The following XKR6 variants were observed in gnomAD, a reference collection of about 807,000 sequenced individuals.
The protein encoded by XKR6 is XK-related protein 6.
Under a neutral mutation model 56.7 loss-of-function variants are expected in XKR6, and 22 were observed. That is an observed-to-expected ratio of 0.39 (90% CI 0.28 to 0.55). The LOEUF is 0.55. Ranked by LOEUF, XKR6 falls within the 20% of genes least tolerant of loss-of-function variation. The pLI, the probability that XKR6 is intolerant of heterozygous loss-of-function variation, is 0.66. For synonymous variants in XKR6, 524 were observed against 387.8 expected (o/e 1.35, Z -4.13); for missense variants, 852 against 889.0 (o/e 0.96, Z 0.53).
intron 1 of XKR6, among the ~76,000 whole-genome samples, chr8:11,021,156 CAG>C (rs1377232546): frequency 6.6e-6 from 1 of 152,206 alleles, no homozygotes. Flanking sequence ...GGGCTTCTCT[CAG>C]AGTCTCAGAC....
chr8:10,949,455 A>G (rs1801653015), intron 1 of XKR6, among the ~76,000 whole-genome samples: 1 of 152,212 alleles, frequency 6.6e-6, no homozygotes, highest in African/African-American at 2.4e-5. Flanking sequence ...CCACAGAGCC[A>G]GGGCTGGAGC....
intron 1 of XKR6, among the ~76,000 whole-genome samples, chr8:10,979,411 G>A (rs182195006): frequency 6.6e-6 from 1 of 152,142 alleles, no homozygotes; most frequent in Admixed American, 6.5e-5. Context: ...CACGTTCCTG[G>A]TTCCTGGGGG....
chr8:11,185,900 T>C (rs1803248402), intron 1 of XKR6, among the ~76,000 whole-genome samples: 1 of 152,252 alleles, frequency 6.6e-6, no homozygotes, highest in African/African-American at 2.4e-5. Context: ...ACAACTATTT[T>C]TAAAAGCTAA....
chr8:11,052,588 G>C (rs536849399), intron 1 of XKR6, among the ~76,000 whole-genome samples: 1 of 152,104 alleles, frequency 6.6e-6, no homozygotes, highest in East Asian at 1.9e-4. Flanking sequence ...GTTCCTGGAC[G>C]TGAGGCTTTG....
chr8:10,898,030 G>A lies in XKR6; in HGVS notation c.1848C>T (p.Val616=), dbSNP rs1248228789. The change falls in exon 3 of 3, where the codon GTC becomes GTT. Residue 616 remains valine (V), a synonymous_variant. Coordinates refer to ENST00000416569, the MANE Select transcript of XKR6 (RefSeq NM_173683.4). The surrounding 1 kb of genome is among the most constrained non-coding windows in gnomAD (Gnocchi z 6.6). ...LRRTINILQY[V]TPTAVGIRYR... Reference sequence around the variant, plus strand: ...ATCGAATGCCTACTGCGGTGGGGGTGACATATTGTAGAATGTTAATAGTCC... The same window carrying A: ...ATCGAATGCCTACTGCGGTGGGGGTAACATATTGTAGAATGTTAATAGTCC... The A allele has an allele frequency of 6.2e-7, 1 of 1,613,786 alleles. No homozygotes were observed. The highest frequency in any genetic ancestry group is 1.3e-5 in the African/African-American group (1 of 74,876).
chr8:11,105,507 A>G (rs1798645037), intron 1 of XKR6: 1 of 152,198 alleles, frequency 6.6e-6, no homozygotes, highest in Non-Finnish European at 1.5e-5. Context: ...CTGAGTCAAG[A>G]AGGGGGTCTC....
intron 1 of XKR6, among the ~76,000 whole-genome samples, chr8:10,984,217 G>C (rs567591886): frequency 6.6e-6 from 1 of 152,066 alleles, no homozygotes; most frequent in Non-Finnish European, 1.5e-5. Context: ...TTATACAACC[G>C]TCTCCATAGC....
chr8:11,170,429 G>A (rs7818911), intron 1 of XKR6, among the ~76,000 whole-genome samples: 1 of 152,158 alleles, frequency 6.6e-6, no homozygotes, highest in African/African-American at 2.4e-5. Context: ...AACATTATGT[G>A]AAAGTAAAAG....
intron 1 of XKR6, among the ~76,000 whole-genome samples, chr8:10,984,726 C>CTATATATATATATA (rs1403239181): frequency 1.4e-4 from 10 of 70,294 alleles, no homozygotes; most frequent in African/African-American, 4.0e-4. Context: ...CTCTCTCTCT[C>CTATATATATATATA]TCTCTCTATA....
chr8:11,023,024 C>T (rs921745491), intron 1 of XKR6, among the ~76,000 whole-genome samples: 12 of 152,110 alleles, frequency 7.9e-5, no homozygotes, highest in Non-Finnish European at 1.8e-4. Flanking sequence ...AGGTATCTGT[C>T]GAGGCAATTT....
At chr8:10,981,974 T>C (rs916562188) in intron 1 of XKR6, among the ~76,000 whole-genome samples, 2 of 152,262 alleles carry the variant, frequency 1.3e-5, no homozygotes, top group African/African-American at 4.8e-5. Flanking sequence ...TAGTTGCCTA[T>C]ATAAAACAAG....
At chr8:11,166,345 G>C (rs1328759741) in intron 1 of XKR6, among the ~76,000 whole-genome samples, 1 of 152,056 alleles carries the variant, frequency 6.6e-6, no homozygotes, top group Non-Finnish European at 1.5e-5. Context: ...GTGTCATGAA[G>C]ATCACAAGGC....
chr8:11,114,976 C>G (rs950116568), intron 1 of XKR6, among the ~76,000 whole-genome samples: 23 of 152,158 alleles, frequency 1.5e-4, no homozygotes, highest in Admixed American at 3.3e-4. Context: ...GAATTAAGTG[C>G]TTGGTATGAC....
intron 1 of XKR6, chr8:11,002,336 C>G: frequency 4.2e-6 from 1 of 237,228 alleles, no homozygotes; most frequent in Non-Finnish European, 9.3e-6. Flanking sequence ...GATGCATAGC[C>G]TGGAAAGGCT....
intron 1 of XKR6, among the ~76,000 whole-genome samples, chr8:11,029,221 C>T (rs1798937866): frequency 6.6e-6 from 1 of 152,298 alleles, no homozygotes; most frequent in South Asian, 2.1e-4. Context: ...TGTTGACCCC[C>T]AAATGCCACA....
chr8:10,948,917 G>C (rs116482550), intron 1 of XKR6, among the ~76,000 whole-genome samples: 1,928 of 152,326 alleles, frequency 0.013, 53 homozygotes, highest in African/African-American at 0.044. Flanking sequence ...ATGTCCACAT[G>C]TTAGAGCCCA....
chr8:10,983,914 C>G (rs905667010), intron 1 of XKR6, among the ~76,000 whole-genome samples: 1 of 152,160 alleles, frequency 6.6e-6, no homozygotes, highest in Non-Finnish European at 1.5e-5. Flanking sequence ...CTTGGCCTCC[C>G]AAAGTGCTGG....
intron 1 of XKR6, among the ~76,000 whole-genome samples, chr8:11,006,271 C>CT (rs1309175933): frequency 6.6e-6 from 1 of 152,118 alleles, no homozygotes; most frequent in Non-Finnish European, 1.5e-5. Flanking sequence ...AGTTAGTGGC[C>CT]TAGTAGGACA....
At chr8:11,113,896 T>G (rs529617568) in intron 1 of XKR6, 18 of 237,140 alleles carry the variant, frequency 7.6e-5, no homozygotes, top group Non-Finnish European at 1.5e-4. Flanking sequence ...TTTAAAATGT[T>G]TTTAATCTTG....
Sources: allele counts gnomAD v4.1 joint callset (sites outside exome capture counted in the v4.1 genomes callset), GRCh38; gene constraint gnomAD v4.1.1; non-coding constraint Gnocchi (gnomAD v3.1); transcripts MANE v1.5; gene names NCBI Gene and HGNC (gene_info 2026-07-23, HGNC 2026-07-21).